The following CALCRL variants were observed in gnomAD, a reference collection of about 807,000 sequenced individuals.
The protein encoded by CALCRL is calcitonin gene-related peptide type 1 receptor.
A neutral mutation model predicts 60.4 loss-of-function variants in CALCRL; 27 were observed. That is an observed-to-expected ratio of 0.45 (90% CI 0.33 to 0.62). CALCRL has a LOEUF of 0.62. CALCRL is among the 20% of genes least tolerant of loss of function. The probability of loss-of-function intolerance (pLI) is 0.03; values close to 1 mark genes in which losing one functional copy is unlikely to be tolerated. For missense variants in CALCRL, 424 were observed against 540.7 expected, an observed-to-expected ratio of 0.78 and a Z score of 2.14; for synonymous variants, 190 against 182.6, an observed-to-expected ratio of 1.04 and a Z score of -0.33.
chr2:187,398,129 G>A (rs994710628), intron 1 of CALCRL, among the ~76,000 whole-genome samples: 6 of 151,388 alleles, frequency 4.0e-5, no homozygotes, highest in Admixed American at 2.0e-4. Flanking sequence ...AAGGGAGCCT[G>A]AAAAAAATGC....
At chr2:187,360,454 A>G (rs1687006483) in intron 10 of CALCRL, 144 bp downstream of exon 10, 1 of 670,986 alleles carries the variant, frequency 1.5e-6, no homozygotes, top group Non-Finnish European at 2.4e-6. Context: ...AAATGTTGCA[A>G]TTTACAAGAA....
intron 14 of CALCRL, among the ~76,000 whole-genome samples, chr2:187,348,678 A>T (rs1047565795): frequency 6.6e-6 from 1 of 151,700 alleles, no homozygotes; most frequent in Non-Finnish European, 1.5e-5. Flanking sequence ...ATGAACTGTG[A>T]GGTCTTACTA....
At chr2:187,398,320 C>T (rs965495285) in intron 1 of CALCRL, among the ~76,000 whole-genome samples, 7 of 151,494 alleles carry the variant, frequency 4.6e-5, no homozygotes, top group Non-Finnish European at 1.0e-4. Context: ...TTTGTTTTTC[C>T]CACCAACAAT....
rs372626484 is a variant in CALCRL at position 187,344,689 on chromosome 2, A to T, written c.*1495T>A. On this transcript the variant is annotated 3_prime_UTR_variant, in exon 15 of 15. Coordinates refer to ENST00000392370, the MANE Select transcript of CALCRL (RefSeq NM_005795.6). ...TATTTCCCTAATTTGTATTATATACAGTAGCTCTATTAAAATATTAAAGCA... is the reference window on the plus strand; with the variant it reads ...TATTTCCCTAATTTGTATTATATACTGTAGCTCTATTAAAATATTAAAGCA... 6.6e-6 allele frequency: 1 copy of T among 151,756 alleles called. No homozygotes were observed. Among genetic ancestry groups the T allele is most frequent in the African/African-American group, 2.4e-5 (1 of 41,420 alleles). 9.4% of individuals were successfully genotyped at this position (151,756 alleles called of 1,614,324 possible).
At chr2:187,382,376 A>G (rs1271883950) in intron 5 of CALCRL, among the ~76,000 whole-genome samples, 2 of 152,210 alleles carry the variant, frequency 1.3e-5, no homozygotes, top group Non-Finnish European at 2.9e-5. Flanking sequence ...TACTTTTATT[A>G]TGAAACTTTA....
intron 14 of CALCRL, among the ~76,000 whole-genome samples, chr2:187,349,725 G>A (rs1419290979): frequency 6.6e-6 from 1 of 151,628 alleles, no homozygotes; most frequent in Non-Finnish European, 1.5e-5. Flanking sequence ...CATGGCAGAA[G>A]ATCAAGGTTC....
chr2:187,419,371 G>A (rs1049295328), intron 1 of CALCRL, among the ~76,000 whole-genome samples: 6 of 152,138 alleles, frequency 3.9e-5, no homozygotes, highest in African/African-American at 1.4e-4. Flanking sequence ...CCCCTGTGAG[G>A]ATGCAATAAG....
chr2:187,380,372 G>A, intron 7 of CALCRL, 95 bp downstream of exon 7: 1 of 685,000 alleles, frequency 1.5e-6, no homozygotes. Flanking sequence ...TAAGGGAATG[G>A]AATAATGACT....
In CALCRL at chr2:187,417,734, TTTCTC is replaced by T. The variant is rs1291100560; in HGVS notation, c.-292-29983_-292-29979del. 2.6e-5 allele frequency among the ~76,000 whole-genome samples: 4 copies of T among 152,204 alleles called. 1 individual carries two copies. Among genetic ancestry groups the T allele is most frequent in the South Asian group, 4.1e-4 (2 of 4,822 alleles). ...AGGGAAGACAAAAGGTCTAAATACT[TTTCTC>T]TTCAATATTTTGTTTTATGGAAATA... On this transcript the variant is annotated intron_variant, in intron 1 of 14. Transcript: ENST00000392370.
chr2:187,419,023 A>ATTTTTTTT (rs33929530), intron 1 of CALCRL, among the ~76,000 whole-genome samples: 2 of 85,978 alleles, frequency 2.3e-5, no homozygotes, highest in African/African-American at 4.8e-5. Context: ...CGTCTGGCTA[A>ATTTTTTTT]TTTTTTTTTT....
intron 4 of CALCRL, among the ~76,000 whole-genome samples, chr2:187,383,828 C>G (rs1688088618): frequency 6.6e-6 from 1 of 152,080 alleles, no homozygotes; most frequent in Non-Finnish European, 1.5e-5. Flanking sequence ...ATGGCAACAT[C>G]ATTTATGATG....
intron 8 of CALCRL, among the ~76,000 whole-genome samples, chr2:187,370,346 T>C (rs1029175298): frequency 6.6e-6 from 1 of 152,110 alleles, no homozygotes; most frequent in African/African-American, 2.4e-5. Flanking sequence ...ATTATGACTT[T>C]TGGGAGAAAA....
chr2:187,368,625 C>G (rs184672446), intron 8 of CALCRL, among the ~76,000 whole-genome samples: 2 of 152,020 alleles, frequency 1.3e-5, no homozygotes, highest in African/African-American at 4.8e-5. Flanking sequence ...TTTCCATTTG[C>G]TTTTGACATG....
intron 1 of CALCRL, among the ~76,000 whole-genome samples, chr2:187,433,079 G>A (rs1268011565): frequency 6.6e-6 from 1 of 152,036 alleles, no homozygotes; most frequent in African/African-American, 2.4e-5. Flanking sequence ...AGTGACACCT[G>A]ACTGTATTTA....
intron 1 of CALCRL, among the ~76,000 whole-genome samples, chr2:187,429,719 C>T (rs1203415705): frequency 6.6e-6 from 1 of 152,132 alleles, no homozygotes; most frequent in Non-Finnish European, 1.5e-5. Context: ...AGAACAAAAA[C>T]AACTCAAAAG....
chr2:187,429,937 T>C (rs1559076247), intron 1 of CALCRL, among the ~76,000 whole-genome samples: 1 of 152,226 alleles, frequency 6.6e-6, no homozygotes, highest in African/African-American at 2.4e-5. Flanking sequence ...CATGAAGACA[T>C]GACTGATACA....
chr2:187,397,226 T>G (rs893273858), intron 1 of CALCRL, among the ~76,000 whole-genome samples: 1 of 151,726 alleles, frequency 6.6e-6, no homozygotes, highest in African/African-American at 2.4e-5. Context: ...TGTGGAAAAC[T>G]GACTGTATTT....
intron 1 of CALCRL, among the ~76,000 whole-genome samples, chr2:187,431,116 A>G (rs147014192): frequency 1.4e-4 from 21 of 152,266 alleles, no homozygotes; most frequent in African/African-American, 4.6e-4. Flanking sequence ...CCATAATTCC[A>G]TCTTTATTAA....
At chr2:187,350,069 A>G (rs1211117227) in intron 14 of CALCRL, among the ~76,000 whole-genome samples, 1 of 151,678 alleles carries the variant, frequency 6.6e-6, no homozygotes, top group African/African-American at 2.4e-5. Flanking sequence ...ATTTGCCAAA[A>G]TATCACAGCC....
Sources: allele counts gnomAD v4.1 joint callset (sites outside exome capture counted in the v4.1 genomes callset), GRCh38; gene constraint gnomAD v4.1.1; transcripts MANE v1.5; gene names NCBI Gene and HGNC (gene_info 2026-07-23, HGNC 2026-07-21).